Variants in POLR2F observed in about 807,000 individuals in gnomAD.
The protein encoded by POLR2F is DNA-directed RNA polymerases I, II, and III subunit RPABC2.
Under a neutral mutation model 22.7 loss-of-function variants are expected in POLR2F, and 12 were observed. The observed-to-expected ratio is 0.53, with a 90% CI of 0.34 to 0.86. The LOEUF (loss-of-function observed/expected upper bound fraction) is 0.86. Among genes scored for constraint, POLR2F ranks in the 40% least tolerant of loss-of-function variants. POLR2F has a pLI of 0.02. For synonymous variants in POLR2F, 57 were observed against 66.0 expected, an observed-to-expected ratio of 0.86 and a Z score of 0.66; for missense variants, 126 against 171.5, an observed-to-expected ratio of 0.73 and a Z score of 1.48.
upstream of POLR2F, chr22:37,983,343 G>A (rs1244743750): frequency 6.2e-7 from 1 of 1,601,356 alleles, no homozygotes; most frequent in South Asian, 1.1e-5. This position sits in a 1 kb window ranked among gnomAD's most constrained non-coding sequence, Gnocchi z 9.5. Flanking sequence ...CCCGGGGGGC[G>A]GTCGGGTGCT....
chr22:37,972,062 G>A (rs186669087), downstream of POLR2F, among the ~76,000 whole-genome samples: 554 of 142,776 alleles, frequency 3.9e-3, 5 homozygotes, highest in Admixed American at 7.0e-3. Context: ...AGTGGGAGGG[G>A]GGAGAGAGAG....
At chr22:37,982,329 TG>T (rs1932425099), upstream of POLR2F, among the ~76,000 whole-genome samples, 1 of 152,142 alleles carries the variant, frequency 6.6e-6, no homozygotes, top group Admixed American at 6.5e-5. Context: ...GAGAATCAGG[TG>T]ACTGCTACCG....
rs1280029009 is a variant in POLR2F, at chr22:37,965,685, G to A, written c.222-1414G>A. Among the ~76,000 whole-genome samples the A allele has an allele frequency of 2.0e-5, 3 of 152,206 alleles. No individual in the cohort carries two copies. The East Asian group carries it at 5.8e-4, about 29-fold the overall frequency. On this transcript the variant is annotated intron_variant, in intron 3 of 4. Transcript: ENST00000442738. Reference sequence around the variant, plus strand: ...TTGGGAAATTTTCAGGCTTTTGGGAGTAATATAAATCGAAATATTTAGTAA... The same window carrying A: ...TTGGGAAATTTTCAGGCTTTTGGGAATAATATAAATCGAAATATTTAGTAA...
chr22:37,987,465 G>T (rs1186738894), intron 1 of POLR2F: 3 of 347,796 alleles, frequency 8.6e-6, no homozygotes, highest in Non-Finnish European at 1.1e-5. Context: ...CCGGCTTTAT[G>T]GAAGGCTCCG....
chr22:37,975,998 T>C (rs567054797), intron 4 of POLR2F, among the ~76,000 whole-genome samples: 1 of 152,124 alleles, frequency 6.6e-6, no homozygotes, highest in South Asian at 2.1e-4. Flanking sequence ...CCCAGCACTT[T>C]GGGAGGCTGA....
upstream of POLR2F, chr22:37,985,201 C>A: frequency 6.6e-6 from 1 of 152,468 alleles, no homozygotes; most frequent in Non-Finnish European, 1.5e-5. Context: ...AAACACAAGA[C>A]TAAAGCTGCC....
intron 1 of POLR2F, among the ~76,000 whole-genome samples, chr22:37,992,335 C>T (rs577558981): frequency 3.9e-5 from 6 of 152,054 alleles, no homozygotes; most frequent in East Asian, 3.9e-4. Context: ...GCTTGGGGAT[C>T]TGCCGCCAAG....
At chr22:37,983,504 A>G (rs1451564399), upstream of POLR2F, 1 of 1,610,768 alleles carries the variant, frequency 6.2e-7, no homozygotes, top group East Asian at 2.2e-5. This position sits in a 1 kb window ranked among gnomAD's most constrained non-coding sequence, Gnocchi z 9.5. Flanking sequence ...GGCGCCGTTG[A>G]CGCGCACGGG....
At chr22:37,958,052 G>A (rs998277851) in intron 2 of POLR2F, among the ~76,000 whole-genome samples, 9 of 152,214 alleles carry the variant, frequency 5.9e-5, no homozygotes, top group Non-Finnish European at 1.3e-4. Context: ...CTAGGCTAGA[G>A]TACAATGGCT....
chr22:38,038,781 CCCT>C (rs1478212344), intron 5 of POLR2F, among the ~76,000 whole-genome samples: 1 of 140,792 alleles, frequency 7.1e-6, no homozygotes, highest in Non-Finnish European at 1.6e-5. Context: ...CACCCAAACT[CCCT>C]CCTCCCCCCG....
intron 3 of POLR2F, among the ~76,000 whole-genome samples, chr22:37,961,668 A>T (rs1197410340): frequency 6.6e-6 from 1 of 152,160 alleles, no homozygotes; most frequent in Admixed American, 6.5e-5. Flanking sequence ...CTGCCAACAG[A>T]TGGCTTTGAG....
intron 1 of POLR2F, among the ~76,000 whole-genome samples, chr22:37,996,703 G>A (rs1349842742): frequency 5.9e-5 from 9 of 152,164 alleles, no homozygotes; most frequent in Non-Finnish European, 2.9e-5. Context: ...GTCAGTAATT[G>A]CTGTGTGACC....
chr22:38,020,605 G>T (rs182649140), intron 1 of POLR2F, among the ~76,000 whole-genome samples: 1 of 151,936 alleles, frequency 6.6e-6, no homozygotes, highest in Non-Finnish European at 1.5e-5. Flanking sequence ...AGCTAAGTGT[G>T]GTGATGCACA....
At chr22:38,020,470 C>T (rs1385509553) in intron 1 of POLR2F, among the ~76,000 whole-genome samples, 2 of 144,338 alleles carry the variant, frequency 1.4e-5, no homozygotes, top group African/African-American at 5.2e-5. Flanking sequence ...GTAGGGACGG[C>T]GTTTCACCAC....
At chr22:38,005,405 T>C (rs578039404) in intron 1 of POLR2F, among the ~76,000 whole-genome samples, 31 of 152,330 alleles carry the variant, frequency 2.0e-4, no homozygotes, top group African/African-American at 7.0e-4. Context: ...ATTACAGGCA[T>C]GTGAGCCACC....
intron 3 of POLR2F, among the ~76,000 whole-genome samples, chr22:37,960,851 C>CTTT (rs71195075): frequency 4.6e-5 from 6 of 131,538 alleles, no homozygotes; most frequent in South Asian, 2.5e-4. Context: ...TTTCTTTTTT[C>CTTT]TTTTTTTTTT....
downstream of POLR2F, chr22:38,041,599 A>G (rs2145841010): frequency 6.5e-6 from 1 of 153,902 alleles, no homozygotes; most frequent in South Asian, 2.1e-4. Context: ...AACCATTATC[A>G]AATTGGAGGT....
intron 2 of POLR2F, among the ~76,000 whole-genome samples, chr22:37,957,576 A>G (rs775474816): frequency 1.4e-4 from 22 of 152,170 alleles, no homozygotes; most frequent in Admixed American, 9.8e-4. Context: ...CTGGAGAGAC[A>G]TGGAGCCTTC....
chr22:38,035,611 C>T lies in POLR2F; in HGVS notation c.453-5457C>T, dbSNP rs147228471. On this transcript the variant is annotated intron_variant, in intron 5 of 5. Coordinates refer to the POLR2F transcript ENST00000407936. ...GCCATCTGAAACCTCCTGCTACTAT[C>T]ACCACTTTCTGCATGACTGCCCCAC... 1.1e-4 allele frequency among the ~76,000 whole-genome samples: 17 copies of T among 152,362 alleles called. No individual in the cohort carries two copies. In the East Asian group the frequency reaches 1.5e-3, roughly 14 times the overall value.
Sources: gnomAD v4.1 joint callset for allele counts (sites outside exome capture counted in the v4.1 genomes callset) on GRCh38, gnomAD v4.1.1 for gene constraint, Gnocchi (gnomAD v3.1) non-coding constraint, MANE v1.5 for transcripts, NCBI Gene and HGNC (gene_info 2026-07-23, HGNC 2026-07-21) for gene names.